CERS4: variants seen among roughly 807,000 people sequenced by gnomAD.
CERS4 encodes ceramide synthase 4.
Under a neutral mutation model 51.8 loss-of-function variants are expected in CERS4, and 65 were observed. That is an observed-to-expected ratio of 1.26 (90% CI 1.03 to 1.54). CERS4 has a LOEUF of 1.54. Among genes scored for constraint, CERS4 ranks in the 40% most tolerant of loss-of-function variants. The pLI is 0.00. For synonymous variants in CERS4, 228 were observed against 208.4 expected (o/e 1.09, Z -0.81); for missense variants, 563 against 500.4 (o/e 1.13, Z -1.19).
rs1472584016 is a variant in CERS4, at chr19:8,254,480, C to G, written c.174-19C>G. Reference sequence around the variant, plus strand: ...ATCTCTTCACCTGGGCTGATAGGCTCTGTCTCCTTTGCACCCAGATTCATT... The same window carrying G: ...ATCTCTTCACCTGGGCTGATAGGCTGTGTCTCCTTTGCACCCAGATTCATT... On this transcript the variant is annotated intron_variant, in intron 3 of 11. Transcript: ENST00000251363. 14 of 1,611,324 alleles carry G rather than the reference C, an allele frequency of 8.7e-6. No homozygotes were observed. Among genetic ancestry groups the G allele is most frequent in the Non-Finnish European group, 9.3e-6 (11 of 1,177,986 alleles).
intron 2 of CERS4, among the ~76,000 whole-genome samples, chr19:8,223,174 A>G (rs1358613937): frequency 1.3e-5 from 2 of 151,588 alleles, no homozygotes; most frequent in Non-Finnish European, 2.9e-5. Context: ...TCTCTGCCAA[A>G]AAAAAAAATT....
Position 8,255,840 on chromosome 19 carries a change from C to T in CERS4, c.429C>T (p.Tyr143=), listed in dbSNP as rs1184129622. ...FCEASWRFLF[Y]LSSFVGGLSV... is the part of the protein sequence containing the mutation. ...TCCACAGCTGGAGGTTTCTCTTCTACCTGTCCTCCTTCGTGGGCGGCCTCT... is the reference window on the plus strand; with the variant it reads ...TCCACAGCTGGAGGTTTCTCTTCTATCTGTCCTCCTTCGTGGGCGGCCTCT... Residue 143 remains tyrosine, a synonymous_variant, in exon 6 of 12, where the codon TAC becomes TAT. Transcript: ENST00000251363. 1 of 1,613,826 alleles carries T rather than the reference C, an allele frequency of 6.2e-7. No individual in the cohort carries two copies. Among genetic ancestry groups the T allele is most frequent in the African/African-American group, 1.3e-5 (1 of 74,888 alleles).
chr19:8,234,226 A>G (rs1267046809), intron 2 of CERS4, among the ~76,000 whole-genome samples: 1 of 152,150 alleles, frequency 6.6e-6, no homozygotes, highest in Non-Finnish European at 1.5e-5. Context: ...GAATGGCGTG[A>G]ACCCAGGAGG....
chr19:8,236,287 A>C (rs1599546732), intron 2 of CERS4, among the ~76,000 whole-genome samples: 1 of 152,224 alleles, frequency 6.6e-6, no homozygotes, highest in Non-Finnish European at 1.5e-5. Flanking sequence ...TGTTAGTTCA[A>C]ATCGAGAAAG....
intron 2 of CERS4, among the ~76,000 whole-genome samples, chr19:8,215,206 C>T (rs567115971): frequency 2.0e-4 from 31 of 151,952 alleles, no homozygotes; most frequent in Non-Finnish European, 1.9e-4. Context: ...GGGCCAGGCG[C>T]GGTGGCTCAC....
intron 2 of CERS4, among the ~76,000 whole-genome samples, chr19:8,225,265 T>C (rs542254471): frequency 6.6e-6 from 1 of 151,998 alleles, no homozygotes; most frequent in South Asian, 2.1e-4. Flanking sequence ...GGGTCCCAGT[T>C]TCATGCTTAG....
At chr19:8,248,767 GGAT>G (rs1380793692) in intron 2 of CERS4, among the ~76,000 whole-genome samples, 1 of 151,570 alleles carries the variant, frequency 6.6e-6, no homozygotes, top group African/African-American at 2.4e-5. Context: ...ATGGATGGAT[GGAT>G]GATGGGTGGA....
intron 2 of CERS4, among the ~76,000 whole-genome samples, chr19:8,245,123 A>AAAACAAAAAAAACAAAACAAAAC (rs1568523481): frequency 1.7e-5 from 1 of 58,298 alleles, no homozygotes; most frequent in Non-Finnish European, 3.7e-5. Context: ...AAAAAAAAAA[A>AAAACAAAAAAAACAAAACAAAAC]AAAAAAAAAA....
chr19:8,228,144 G>A (rs1407792222), intron 2 of CERS4, among the ~76,000 whole-genome samples: 2 of 152,000 alleles, frequency 1.3e-5, no homozygotes, highest in Non-Finnish European at 2.9e-5. Flanking sequence ...ACAGGTGTGA[G>A]CTACTGTGCC....
intron 2 of CERS4, among the ~76,000 whole-genome samples, chr19:8,231,209 G>A (rs1334098251): frequency 1.3e-5 from 2 of 152,138 alleles, no homozygotes; most frequent in Non-Finnish European, 2.9e-5. Context: ...TCCTGAGCAT[G>A]GGCCATGTTT....
intron 2 of CERS4, among the ~76,000 whole-genome samples, chr19:8,230,310 C>T (rs1967958944): frequency 6.6e-6 from 1 of 152,166 alleles, no homozygotes; most frequent in Admixed American, 6.6e-5. Flanking sequence ...CTGCCTCAGC[C>T]TCCCGAGTAG....
At chr19:8,256,510 G>C (rs1969390564) in intron 7 of CERS4, 108 bp from the exon 8 acceptor site, 1 of 1,134,474 alleles carries the variant, frequency 8.8e-7, no homozygotes, top group South Asian at 1.5e-5. Flanking sequence ...CTCACTCATT[G>C]GGATTCAAGT....
chr19:8,210,101 G>C lies in CERS4; in HGVS notation c.-158-605G>C, dbSNP rs1014819980. ...ACGCGGAGAGGGAGGGTCTGAGGTG[G>C]AGAGAGGTTGGCCGGGGCCTGGGAA... On this transcript the variant is annotated intron_variant, in intron 1 of 11. Coordinates refer to ENST00000251363, the MANE Select transcript of CERS4 (RefSeq NM_024552.3). The surrounding 1 kb of genome is among the most constrained non-coding windows in gnomAD (Gnocchi z 4.2). Among the ~76,000 whole-genome samples, 1 of 152,168 alleles carries C rather than the reference G, an allele frequency of 6.6e-6. No individual in the cohort carries two copies.
rs563039304 is a variant in CERS4, at chr19:8,232,596, A to ATT, written c.-1-18477_-1-18476dup. 5.3e-5 allele frequency among the ~76,000 whole-genome samples: 8 copies of ATT among 152,032 alleles called. No individual in the cohort carries two copies. The South Asian group carries it at 1.7e-3, about 32-fold the overall frequency. On this transcript the variant is annotated intron_variant, in intron 2 of 11. Coordinates refer to ENST00000251363, the MANE Select transcript of CERS4 (RefSeq NM_024552.3). ...CATGAGCCACTGTGCCCGGCCTAGAATTTTCTACAATGATGGAAATGTTCC... is the reference window on the plus strand; with the variant it reads ...CATGAGCCACTGTGCCCGGCCTAGAATTTTTTCTACAATGATGGAAATGTTCC...
At chr19:8,252,893 T>A (rs2145301643) in intron 3 of CERS4, among the ~76,000 whole-genome samples, 1 of 152,222 alleles carries the variant, frequency 6.6e-6, no homozygotes, top group South Asian at 2.1e-4. Flanking sequence ...GAGTTCAAAT[T>A]TCAGGTCTTT....
chr19:8,255,644 C>G lies in CERS4; in HGVS notation c.329C>G (p.Thr110Arg), dbSNP rs959566613. ...LSLLAAQCGL[T>R]LQQTQRWFRR... is the part of the protein sequence containing the mutation. ...CTCCTGGCCGCCCAGTGTGGCCTCA[C>G]GCTGCAGCAGACCCAGCGATGGTTC... Residue 110 changes from threonine to arginine, a missense_variant, in exon 5 of 12, where the codon ACG becomes AGG. Thr to Arg is a moderately conservative substitution (Grantham distance 71). Coordinates refer to ENST00000251363, the MANE Select transcript of CERS4 (RefSeq NM_024552.3). 3 of 1,612,956 alleles carry G rather than the reference C, an allele frequency of 1.9e-6. No homozygotes were observed. The highest frequency in any genetic ancestry group is 2.2e-5 in the South Asian group (2 of 91,016).
chr19:8,256,484 C>T, intron 7 of CERS4, 134 bp from the exon 8 acceptor site: 2 of 1,000,512 alleles, frequency 2.0e-6, no homozygotes, highest in Non-Finnish European at 3.0e-6. Context: ...CCTTGATTAC[C>T]TCCAGGGATG....
At chr19:8,244,073 C>T (rs11672652) in intron 2 of CERS4, among the ~76,000 whole-genome samples, 14,384 of 152,212 alleles carry the variant, frequency 0.094, 873 homozygotes, top group Middle Eastern at 0.19. Flanking sequence ...ATGAAGAAGA[C>T]GGAGGCAGGA....
intron 2 of CERS4, among the ~76,000 whole-genome samples, chr19:8,245,126 A>ACAAAAAAAACAAAAAAAACC (rs1555777241): frequency 1.4e-5 from 2 of 148,130 alleles, no homozygotes; most frequent in Admixed American, 1.3e-4. Flanking sequence ...AAAAAAAAAA[A>ACAAAAAAAACAAAAAAAACC]AAAAAAAAAC....
Sources: allele counts gnomAD v4.1 joint callset (sites outside exome capture counted in the v4.1 genomes callset), GRCh38; gene constraint gnomAD v4.1.1; non-coding constraint Gnocchi (gnomAD v3.1); transcripts MANE v1.5; gene names NCBI Gene and HGNC (gene_info 2026-07-23, HGNC 2026-07-21).